Variants in CYFIP1 observed in about 807,000 individuals in gnomAD.
CYFIP1 encodes the protein cytoplasmic FMR1-interacting protein 1.
Under a neutral mutation model 163.5 loss-of-function variants are expected in CYFIP1, and 58 were observed. The ratio of observed to expected loss-of-function variants is 0.35; its 90% CI spans 0.29 to 0.44. The LOEUF is 0.44. Ranked by LOEUF, CYFIP1 falls within the 20% of genes least tolerant of loss-of-function variation. The probability of loss-of-function intolerance (pLI) is 1.00; values close to 1 mark genes in which losing one functional copy is unlikely to be tolerated. For missense variants in CYFIP1, 1,338 were observed against 1,653.8 expected (o/e 0.81, Z 3.31); for synonymous variants, 663 against 660.7 (o/e 1.00, Z -0.05).
At chr15:22,928,074 C>A in intron 11 of CYFIP1, 46 bp from the exon 12 acceptor site, 1 of 1,448,902 alleles carries the variant, frequency 6.9e-7, no homozygotes. Flanking sequence ...CGCCCCCACC[C>A]AGCTCCCCCC....
Position 22,932,359 on chromosome 15 carries a change from C to T in CYFIP1, c.993-19G>A, listed in dbSNP as rs1161189608. The T allele has an allele frequency of 1.3e-6, 2 of 1,549,118 alleles. No individual in the cohort carries two copies. Among genetic ancestry groups the T allele is most frequent in the Admixed American group, 3.9e-5 (2 of 50,764 alleles). ...CGTCCATCTGTGCAGAGAGAAAGCA[C>T]CCGCGTTACCTGCGGAGGCGCCGGC... On this transcript the variant is annotated intron_variant, in intron 10 of 30. Transcript: ENST00000617928.
intron 1 of CYFIP1, among the ~76,000 whole-genome samples, chr15:22,958,071 A>G (rs2062540462): frequency 6.6e-6 from 1 of 151,756 alleles, no homozygotes; most frequent in Admixed American, 6.6e-5. Context: ...CATCTTCTAG[A>G]CTAGCTTTAT....
intron 22 of CYFIP1, among the ~76,000 whole-genome samples, chr15:22,902,690 T>G (rs1041508217): frequency 4.6e-5 from 7 of 152,154 alleles, no homozygotes; most frequent in Admixed American, 4.6e-4. Context: ...CCCCCTGAGC[T>G]GAAAAGCCAA....
chr15:22,908,859 C>T (rs1015998633), intron 21 of CYFIP1, among the ~76,000 whole-genome samples: 8 of 152,166 alleles, frequency 5.3e-5, no homozygotes, highest in Non-Finnish European at 1.0e-4. Flanking sequence ...CTAGCTCGTT[C>T]ATACTAAAAT....
chr15:22,900,051 A>G (rs1385513780), intron 22 of CYFIP1, among the ~76,000 whole-genome samples: 1 of 152,180 alleles, frequency 6.6e-6, no homozygotes, highest in Admixed American at 6.5e-5. Flanking sequence ...CGAAAAAGAT[A>G]TGTTCAATCC....
chr15:22,914,502 A>C (rs1439122865), intron 17 of CYFIP1, among the ~76,000 whole-genome samples: 1 of 151,868 alleles, frequency 6.6e-6, no homozygotes, highest in Non-Finnish European at 1.5e-5. Context: ...CCATAGCTCA[A>C]TGCAGCCACA....
chr15:22,888,312 A>G (rs1221084497), intron 23 of CYFIP1, among the ~76,000 whole-genome samples: 1 of 152,188 alleles, frequency 6.6e-6, no homozygotes, highest in Non-Finnish European at 1.5e-5. Flanking sequence ...TTGTGAGTAC[A>G]AGGGCTGTCT....
Position 22,872,827 on chromosome 15 carries a change from C to G in CYFIP1, c.3595G>C (p.Val1199Leu), listed in dbSNP as rs1407758080. The G allele has an allele frequency of 6.2e-7, 1 of 1,613,936 alleles. No individual in the cohort carries two copies. The highest frequency in any genetic ancestry group is 1.1e-5 in the South Asian group (1 of 91,072). The part of the protein sequence containing the change: ...HDGKDEIIKN[V>L]PLKKMVERIR... ...GTGCGAGATTTTCATCCACATACCA[C>G]ATTTTTAATAATCTCATCTTTGCCA... The change falls in exon 30 of 31, where the codon GTG becomes CTG. Residue 1199 changes from valine (V) to leucine (L), a missense_variant and splice_region_variant. Val to Leu is a conservative substitution (Grantham distance 32). Around this residue, in one of 4 missense-constraint regions of CYFIP1, gnomAD observed 306 missense variants for 322.1 expected, o/e 0.95. Coordinates refer to ENST00000617928, the MANE Select transcript of CYFIP1 (RefSeq NM_014608.6).
chr15:22,874,756 C>T, intron 27 of CYFIP1, 112 bp from the exon 28 acceptor site: 1 of 685,278 alleles, frequency 1.5e-6, no homozygotes, highest in Non-Finnish European at 2.2e-6. Flanking sequence ...ATTATGGATA[C>T]AGATTCTCTT....
upstream of CYFIP1, chr15:22,980,388 C>T (rs891280573): frequency 6.6e-6 from 1 of 151,870 alleles, no homozygotes; most frequent in Non-Finnish European, 1.5e-5. Flanking sequence ...AACACTCGGC[C>T]TCCTCCCCTT....
rs1391053607 is a variant in CYFIP1, at chr15:22,870,027, C to T, written c.*1G>A. 5 of 1,597,786 alleles carry T rather than the reference C, an allele frequency of 3.1e-6. No individual in the cohort carries two copies. The highest frequency in any genetic ancestry group is 3.3e-4 in the Middle Eastern group (2 of 6,002). On this transcript the variant is annotated 3_prime_UTR_variant, in exon 31 of 31. Transcript: ENST00000617928. ...TGAGTTACGGAGTGCAGCGCGTGCC[C>T]TCAGCTGCTGGCGAGGGACTGGTGG...
intron 10 of CYFIP1, among the ~76,000 whole-genome samples, chr15:22,932,564 C>T (rs760589997): frequency 6.6e-6 from 1 of 152,186 alleles, no homozygotes; most frequent in African/African-American, 2.4e-5. Flanking sequence ...GGTTTCTTGA[C>T]CCCTGAGACT....
intron 16 of CYFIP1, 133 bp from the exon 17 acceptor site, chr15:22,915,015 G>A: frequency 1.2e-5 from 11 of 885,312 alleles, no homozygotes; most frequent in Middle Eastern, 3.4e-4. Context: ...ATGGACATGA[G>A]TGGGGAGGGG....
At chr15:22,874,460 G>T in intron 28 of CYFIP1, 90 bp downstream of exon 28, 2 of 949,784 alleles carry the variant, frequency 2.1e-6, no homozygotes, top group Non-Finnish European at 3.1e-6. Context: ...TGGACTTCAC[G>T]ATGCCTTCCA....
chr15:22,958,197 T>C (rs2062547909), intron 1 of CYFIP1, among the ~76,000 whole-genome samples: 1 of 151,884 alleles, frequency 6.6e-6, no homozygotes, highest in Non-Finnish European at 1.5e-5. Context: ...GCAATTTTCC[T>C]GCCTCAGCCT....
intron 22 of CYFIP1, among the ~76,000 whole-genome samples, chr15:22,900,700 G>A (rs752611137): frequency 2.0e-5 from 3 of 151,324 alleles, no homozygotes; most frequent in African/African-American, 2.4e-5. Flanking sequence ...GTGCCTGGCC[G>A]AGCCTGGAAC....
At chr15:22,978,409 T>C (rs549290836) in intron 1 of CYFIP1, among the ~76,000 whole-genome samples, 22 of 137,338 alleles carry the variant, frequency 1.6e-4, no homozygotes, top group South Asian at 7.2e-4. Flanking sequence ...ATTTAAAAGA[T>C]TGAGGGAAAT....
Position 22,872,876 on chromosome 15 carries a change from A to G in CYFIP1, c.3546T>C (p.His1182=). The G allele has an allele frequency of 1.2e-6, 2 of 1,614,078 alleles. No homozygotes were observed. The highest frequency in any genetic ancestry group is 1.7e-6 in the Non-Finnish European group (2 of 1,179,948). The change falls in exon 30 of 31, where the codon CAT becomes CAC. Residue 1182 remains histidine (H), a synonymous_variant. Coordinates refer to ENST00000617928, the MANE Select transcript of CYFIP1 (RefSeq NM_014608.6). ...RRFAVLDFCY[H]LLKVQKHDGK... ...CATCATGTTTCTGGACTTTAAGTAG[A>G]TGGTAGCAGAAATCCAGCACAGCAA...
Position 22,944,620 on chromosome 15 carries a change from C to T in CYFIP1, c.325G>A (p.Glu109Lys), listed in dbSNP as rs1011677109. Residue 109 changes from glutamate (E) to lysine (K), a missense_variant, in exon 5 of 31, where the codon GAG (glutamate) becomes AAG (lysine). Around this residue, in one of 4 missense-constraint regions of CYFIP1, gnomAD observed 186 missense variants for 288.3 expected, o/e 0.65. Coordinates refer to ENST00000617928, the MANE Select transcript of CYFIP1 (RefSeq NM_014608.6). ...NEQPNRVEIY[E>K]KTVEVLEPEV... ...GGCTCCAGAACCTCCACGGTTTTCT[C>T]GTAGATTTCCACTCTGTTAGGCTGC... The T allele has an allele frequency of 2.7e-5, 43 of 1,613,842 alleles. No individual in the cohort carries two copies. Among genetic ancestry groups the T allele is most frequent in the Non-Finnish European group, 3.3e-5 (39 of 1,179,866 alleles).
Sources: allele counts gnomAD v4.1 joint callset (sites outside exome capture counted in the v4.1 genomes callset), GRCh38; gene constraint gnomAD v4.1.1; regional missense constraint gnomAD v4.1.1; transcripts MANE v1.5; gene names NCBI Gene and HGNC (gene_info 2026-07-23, HGNC 2026-07-21).